PTGR1: variants seen among roughly 807,000 people sequenced by gnomAD.
The protein encoded by PTGR1 is 15-oxoprostaglandin 13-reductase.
PTGR1 carries 23 observed loss-of-function variants against 37.7 expected under a neutral mutation model. That is an observed-to-expected ratio of 0.61 (90% confidence interval 0.44 to 0.86). The LOEUF is 0.86. Among genes scored for constraint, PTGR1 ranks in the 40% least tolerant of loss-of-function variants. The pLI, the probability that PTGR1 is intolerant of heterozygous loss-of-function variation, is 0.00. For synonymous variants in PTGR1, 134 were observed against 140.0 expected, an observed-to-expected ratio of 0.96 and a Z score of 0.30; for missense variants, 351 against 394.3, an observed-to-expected ratio of 0.89 and a Z score of 0.93.
chr9:111,585,342 C>T (rs1345234482), intron 5 of PTGR1, among the ~76,000 whole-genome samples: 1 of 152,154 alleles, frequency 6.6e-6, no homozygotes, highest in Admixed American at 6.5e-5. Context: ...TTCACCTCTC[C>T]TACCCCACAC....
At chr9:111,549,776 ATCT>A (rs1335438435) in exon 10 of PTGR1, 16 of 1,548,040 alleles carry the variant, frequency 1.0e-5, no homozygotes, top group Non-Finnish European at 9.6e-6. Context: ...TGAAGCTTCA[ATCT>A]TCTTCATTTT....
chr9:111,582,524 T>C (rs901809184), intron 6 of PTGR1, among the ~76,000 whole-genome samples: 1 of 151,860 alleles, frequency 6.6e-6, no homozygotes, highest in African/African-American at 2.4e-5. Flanking sequence ...ATTCCAAAGG[T>C]AGCCCATAAT....
At chr9:111,565,868 A>G (rs1026552085) in intron 9 of PTGR1, among the ~76,000 whole-genome samples, 1 of 152,086 alleles carries the variant, frequency 6.6e-6, no homozygotes, top group Non-Finnish European at 1.5e-5. Context: ...AAAATAGGGA[A>G]TGAGATTAAA....
At chr9:111,565,491 C>T (rs1044863845) in intron 9 of PTGR1, among the ~76,000 whole-genome samples, 2 of 152,142 alleles carry the variant, frequency 1.3e-5, no homozygotes, top group African/African-American at 4.8e-5. Flanking sequence ...TCTGTACTAT[C>T]TTCCCAATTT....
intron 6 of PTGR1, 67 bp downstream of exon 6, chr9:111,583,405 G>T: frequency 1.5e-6 from 2 of 1,307,760 alleles, no homozygotes; most frequent in Non-Finnish European, 2.2e-6. Flanking sequence ...AGGAAGATTT[G>T]CTGTGTTCAC....
At position 111,551,129 on chromosome 9, in the gene PTGR1, A is replaced by T. The variant is rs1399381159; in HGVS notation, c.880-1330T>A. Among the ~76,000 whole-genome samples the T allele has an allele frequency of 3.9e-5, 6 of 152,308 alleles. 1 individual carries two copies. Among genetic ancestry groups the T allele is most frequent in the Admixed American group, 2.6e-4 (4 of 15,294 alleles). On this transcript the variant is annotated intron_variant, in intron 9 of 9. Transcript: ENST00000538962. ...ATAAAACAGGTAAAATTAAAAATGT[A>T]TTTTACTTCACCCAATATATCCATA...
At chr9:111,582,632 G>A (rs1292768668) in intron 6 of PTGR1, among the ~76,000 whole-genome samples, 1 of 152,188 alleles carries the variant, frequency 6.6e-6, no homozygotes, top group Non-Finnish European at 1.5e-5. Context: ...CCTGATAAAT[G>A]CCGCAATGGC....
intron 9 of PTGR1, among the ~76,000 whole-genome samples, chr9:111,568,060 G>A (rs549585211): frequency 1.1e-4 from 17 of 152,258 alleles, no homozygotes; most frequent in African/African-American, 3.8e-4. Context: ...TGAACAATAT[G>A]AAATCAGTGC....
chr9:111,561,143 G>GAA (rs1828298435), downstream of PTGR1, among the ~76,000 whole-genome samples: 1 of 49,384 alleles, frequency 2.0e-5, no homozygotes, highest in African/African-American at 1.4e-4. Context: ...AGAGAGGAGA[G>GAA]AGAGGGAGAG....
In PTGR1 at chr9:111,566,143, C is replaced by T. The variant is rs551908553; in HGVS notation, c.880-2912G>A. 3.3e-5 allele frequency among the ~76,000 whole-genome samples: 5 copies of T among 152,188 alleles called. No individual in the cohort carries two copies. The South Asian group carries it at 1.0e-3, about 32-fold the overall frequency. On this transcript the variant is annotated intron_variant, in intron 9 of 9. Coordinates refer to ENST00000407693, the MANE Select transcript of PTGR1 (RefSeq NM_001146108.2). ...ACTCGAACCCAGGAAGTAGAGGTTG[C>T]AGTGAGCTGAGATCGCGCCACTGCA...
chr9:111,572,575 G>A (rs1828866177), intron 8 of PTGR1, among the ~76,000 whole-genome samples: 1 of 151,908 alleles, frequency 6.6e-6, no homozygotes, highest in South Asian at 2.1e-4. Flanking sequence ...GGGCGACAGA[G>A]TGAGACTCTG....
At chr9:111,599,293 T>C (rs1829872194) in intron 1 of PTGR1, 1 of 152,216 alleles carries the variant, frequency 6.6e-6, no homozygotes, top group Non-Finnish European at 1.5e-5. Context: ...AGTTGTGCAG[T>C]CCAGCAAGTT....
Position 111,574,768 on chromosome 9 carries a change from G to A in PTGR1, c.726C>T (p.Ile242=). The A allele has an allele frequency of 1.9e-6, 3 of 1,613,964 alleles. No individual in the cohort carries two copies. Among genetic ancestry groups the A allele is most frequent in the Non-Finnish European group, 2.5e-6 (3 of 1,179,956 alleles). Reference sequence around the variant, plus strand: ...GTGGGCCGGTTCTGTTATATGTAGAGATGGCTCCACATATGGCAATCCTTC... The same window carrying A: ...GTGGGCCGGTTCTGTTATATGTAGAAATGGCTCCACATATGGCAATCCTTC... The part of the protein sequence containing the change: ...KFGRIAICGA[I]STYNRTGPLP... Residue 242 remains isoleucine (I), a synonymous_variant, in exon 8 of 10, where the codon ATC becomes ATT. Coordinates refer to ENST00000407693, the MANE Select transcript of PTGR1 (RefSeq NM_001146108.2).
At chr9:111,589,846 G>A (rs968059186) in intron 4 of PTGR1, among the ~76,000 whole-genome samples, 10 of 151,868 alleles carry the variant, frequency 6.6e-5, no homozygotes, top group Non-Finnish European at 1.2e-4. Flanking sequence ...TGTTGTCCAG[G>A]CTGGTTTTGA....
intron 4 of PTGR1, chr9:111,592,641 G>A: frequency 3.4e-6 from 1 of 296,570 alleles, no homozygotes. Flanking sequence ...GTGGGCTGCT[G>A]GCCAGATCCC....
downstream of PTGR1, among the ~76,000 whole-genome samples, chr9:111,561,084 A>AATATATATATATATATAT (rs368827456): frequency 4.9e-5 from 1 of 20,348 alleles, no homozygotes; most frequent in Admixed American, 5.5e-4. Flanking sequence ...CTCCATCTAA[A>AATATATATATATATATAT]ATATATATAT....
In PTGR1 at chr9:111,563,233, T is replaced by TG; in HGVS notation, c.880-3dup. 6.2e-7 allele frequency: 1 copy of TG among 1,609,366 alleles called. No homozygotes were observed. The highest frequency in any genetic ancestry group is 8.5e-7 in the Non-Finnish European group (1 of 1,178,136). On this transcript the variant is annotated splice_polypyrimidine_tract_variant and splice_region_variant and intron_variant, in intron 9 of 9. Coordinates refer to ENST00000407693, the MANE Select transcript of PTGR1 (RefSeq NM_001146108.2). The stretch of plus-strand genomic sequence containing the variant: ...ATATTCCTTGTACTGGATTTTACCC[T>TG]GTATCAAAGCAACAACAAATTTTAA...
intron 7 of PTGR1, 59 bp downstream of exon 7, chr9:111,578,737 C>T (rs2132393316): frequency 8.2e-6 from 12 of 1,469,082 alleles, no homozygotes; most frequent in Non-Finnish European, 1.0e-5. Flanking sequence ...GGGTAGGAGA[C>T]TCCTGCTTTA....
intron 9 of PTGR1, among the ~76,000 whole-genome samples, chr9:111,567,420 T>C (rs1364351691): frequency 3.3e-5 from 5 of 152,124 alleles, no homozygotes; most frequent in Admixed American, 6.5e-5. Flanking sequence ...CTCTTGACCT[T>C]GTGATCCACC....
Sources: gnomAD v4.1 joint callset for allele counts (sites outside exome capture counted in the v4.1 genomes callset) on GRCh38, gnomAD v4.1.1 for gene constraint, MANE v1.5 for transcripts, NCBI Gene and HGNC (gene_info 2026-07-23, HGNC 2026-07-21) for gene names.